Variants in SCLY observed in about 807,000 individuals in gnomAD.
SCLY encodes putative selenocysteine lyase.
Under a neutral mutation model 50.1 loss-of-function variants are expected in SCLY, and 38 were observed. That is an observed-to-expected ratio of 0.76 (90% CI 0.59 to 0.99). SCLY has a LOEUF of 0.99. SCLY is among the 50% of genes least tolerant of loss of function. The probability of loss-of-function intolerance (pLI) is 0.00; values close to 1 mark genes in which losing one functional copy is unlikely to be tolerated. For missense variants in SCLY, 600 were observed against 620.0 expected, an observed-to-expected ratio of 0.97 and a Z score of 0.34; for synonymous variants, 243 against 249.4, an observed-to-expected ratio of 0.97 and a Z score of 0.24.
At chr2:238,078,757 A>G (rs1321626891) in intron 4 of SCLY, 6 of 151,324 alleles carry the variant, frequency 4.0e-5, no homozygotes, top group African/African-American at 1.2e-4. Flanking sequence ...CAGTGGTGCA[A>G]TCTTGGCTCA....
chr2:238,095,535 G>T (rs1463191717), intron 10 of SCLY: 1 of 152,182 alleles, frequency 6.6e-6, no homozygotes, highest in Non-Finnish European at 1.5e-5. Context: ...AGAAGAACCC[G>T]TGGGTAACCG....
chr2:238,081,809 G>A lies in SCLY; in HGVS notation c.585G>A (p.Leu195=), dbSNP rs1438454046. 1.9e-6 allele frequency: 3 copies of A among 1,614,084 alleles called. No individual in the cohort carries two copies. The African/African-American group carries it at 4.0e-5, about 22-fold the overall frequency. The part of the protein sequence containing the change: ...RPTTRLVTIM[L]ANNETGIVMP... ...CCACACGCCTCGTGACCATCATGCT[G>A]GCCAACAATGAGACTGGCATTGTCA... Residue 195 remains leucine (L), a synonymous_variant, in exon 5 of 12, where the codon CTG becomes CTA. Transcript: ENST00000254663.
chr2:238,079,674 TTGAGAC>T (rs1364738483), intron 4 of SCLY: 1 of 152,252 alleles, frequency 6.6e-6, no homozygotes, highest in Non-Finnish European at 1.5e-5. Flanking sequence ...CTTTACTTTT[TTGAGAC>T]GGAATCTCTT....
chr2:238,074,611 G>A (rs562314915), intron 4 of SCLY, among the ~76,000 whole-genome samples: 18 of 152,236 alleles, frequency 1.2e-4, no homozygotes, highest in African/African-American at 4.3e-4. Context: ...AGCCTCCCAA[G>A]TAGCTGGGAT....
At chr2:238,071,409 C>A (rs1286065853) in intron 4 of SCLY, among the ~76,000 whole-genome samples, 2 of 152,070 alleles carry the variant, frequency 1.3e-5, no homozygotes, top group African/African-American at 4.8e-5. Flanking sequence ...GAATTTGAGA[C>A]CAGCCTGGCC....
intron 11 of SCLY, among the ~76,000 whole-genome samples, chr2:238,097,857 G>A (rs1486525597): frequency 6.6e-6 from 1 of 152,018 alleles, no homozygotes; most frequent in African/African-American, 2.4e-5. Flanking sequence ...CATGGGTAAG[G>A]CACTGTCTGT....
At position 238,064,350 on chromosome 2, in the gene SCLY, C is replaced by T; in HGVS notation, c.90-7C>T. The T allele has an allele frequency of 6.3e-7, 1 of 1,576,430 alleles. No individual in the cohort carries two copies. Among genetic ancestry groups the T allele is most frequent in the Non-Finnish European group, 8.6e-7 (1 of 1,159,368 alleles). ...CTTAATGGGTGTCTTTGCTTTCTTT[C>T]CTTCAGGAAAGTTTATATGGACTAT... On this transcript the variant is annotated splice_polypyrimidine_tract_variant and splice_region_variant and intron_variant, in intron 1 of 11. Transcript: ENST00000254663.
chr2:238,074,395 C>T (rs557559925), intron 4 of SCLY, among the ~76,000 whole-genome samples: 1 of 152,028 alleles, frequency 6.6e-6, no homozygotes, highest in East Asian at 1.9e-4. Context: ...TCACATTGTT[C>T]AAGGGTCAAC....
chr2:238,098,258 T>C lies in SCLY; in HGVS notation c.1241T>C (p.Leu414Pro). Residue 414 changes from leucine to proline, a missense_variant, in exon 12 of 12, where the codon CTC becomes CCC. Physicochemically the swap from Leu to Pro is moderately conservative, Grantham distance 98. Transcript: ENST00000254663. ...GVPFDVARNA[L>P]RLSVGRSTTR... ...CCCTTCGACGTGGCCAGGAACGCGC[T>C]CCGGCTCAGCGTGGGCCGCAGCACC... The C allele has an allele frequency of 1.9e-6, 3 of 1,610,278 alleles. No homozygotes were observed. The highest frequency in any genetic ancestry group is 1.7e-5 in the Admixed American group (1 of 59,960).
chr2:238,073,795 G>A (rs1366260073), intron 4 of SCLY: 1 of 463,654 alleles, frequency 2.2e-6, no homozygotes, highest in Non-Finnish European at 4.4e-6. Context: ...TACTCAATGT[G>A]AAGATGATGA....
intron 4 of SCLY, among the ~76,000 whole-genome samples, chr2:238,074,719 G>T (rs1310538624): frequency 1.3e-5 from 2 of 152,150 alleles, no homozygotes; most frequent in Non-Finnish European, 2.9e-5. Context: ...CTGACCTCAG[G>T]TGATCCCCCC....
intron 4 of SCLY, chr2:238,080,259 C>T (rs2065222181): frequency 6.6e-6 from 1 of 152,138 alleles, no homozygotes; most frequent in South Asian, 2.1e-4. Context: ...TCCTGCTTTT[C>T]CACACACTGA....
intron 8 of SCLY, chr2:238,091,549 CCATTCCCAA>C: frequency 8.0e-5 from 27 of 339,030 alleles, no homozygotes; most frequent in South Asian, 1.6e-4. Context: ...TGCAGGTTCA[CCATTCCCAA>C]AGGCGTCGGC....
chr2:238,091,552 T>G, intron 8 of SCLY: 1 of 308,690 alleles, frequency 3.2e-6, no homozygotes, highest in Non-Finnish European at 6.1e-6. Flanking sequence ...AGGTTCACCA[T>G]TCCCAAAGGC....
At chr2:238,091,551 A>ACCCTC in intron 8 of SCLY, 1 of 404,518 alleles carries the variant, frequency 2.5e-6, no homozygotes, top group Non-Finnish European at 4.6e-6. Flanking sequence ...CAGGTTCACC[A>ACCCTC]TTCCCAAAGG....
At chr2:238,062,270 T>C (rs2065025493) in intron 1 of SCLY, among the ~76,000 whole-genome samples, 1 of 152,144 alleles carries the variant, frequency 6.6e-6, no homozygotes, top group South Asian at 2.1e-4. Context: ...GATGCTTATT[T>C]ATAGGAAAGA....
chr2:238,071,669 A>G (rs1360464068), intron 4 of SCLY, among the ~76,000 whole-genome samples: 3 of 152,250 alleles, frequency 2.0e-5, no homozygotes, highest in Non-Finnish European at 2.9e-5. Flanking sequence ...AGCAGCAACC[A>G]CTGTTACAGT....
At chr2:238,071,875 G>A (rs939701896) in intron 4 of SCLY, among the ~76,000 whole-genome samples, 3 of 152,098 alleles carry the variant, frequency 2.0e-5, no homozygotes, top group African/African-American at 7.2e-5. Flanking sequence ...TTGTATATCG[G>A]CTTTAATGAG....
chr2:238,076,136 G>T (rs1037748488), intron 4 of SCLY, among the ~76,000 whole-genome samples: 3 of 149,722 alleles, frequency 2.0e-5, no homozygotes, highest in Non-Finnish European at 4.4e-5. Flanking sequence ...TTATTGCCCA[G>T]GCTGAAGTAC....
Sources: gnomAD v4.1 joint callset for allele counts (sites outside exome capture counted in the v4.1 genomes callset) on GRCh38, gnomAD v4.1.1 for gene constraint, MANE v1.5 for transcripts, NCBI Gene and HGNC (gene_info 2026-07-23, HGNC 2026-07-21) for gene names.